The following ULBP2 variants were observed in gnomAD, a reference collection of about 807,000 sequenced individuals.
ULBP2 encodes the protein UL16-binding protein 2.
A neutral mutation model predicts 23.6 loss-of-function variants in ULBP2; 21 were observed. That is an observed-to-expected ratio of 0.89 (90% CI 0.63 to 1.28). The LOEUF is 1.28. Ranked by LOEUF, ULBP2 falls within the 50% of genes most tolerant of loss-of-function variation. The pLI, the probability that ULBP2 is intolerant of heterozygous loss-of-function variation, is 0.00. For synonymous variants in ULBP2, 82 were observed against 112.8 expected (o/e 0.73, Z 1.73); for missense variants, 251 against 306.0 (o/e 0.82, Z 1.34).
chr6:149,942,157 G>A lies in ULBP2; in HGVS notation c.85G>A (p.Asp29Asn), dbSNP rs1156920829. Residue 29 changes from aspartate (D) to asparagine (N), a missense_variant and splice_region_variant, in exon 1 of 5, where the codon GAC (aspartate) becomes AAC (asparagine). This residue lies in a region of ULBP2 where 248 missense variants were observed against 258.9 expected (regional missense o/e 0.96). Coordinates refer to ENST00000367351, the MANE Select transcript of ULBP2 (RefSeq NM_025217.4). ...CGGCTGGTCCCGGGCTGGGCGAGCC[G>A]GTGAGTTCGTGGATGGAGCCTAAGC... is the stretch of plus-strand genomic sequence containing the variant. The part of the protein sequence containing the change: ...LSGWSRAGRA[D>N]PHSLCYDITV... 3 of 1,612,768 alleles carry A rather than the reference G, an allele frequency of 1.9e-6. No individual in the cohort carries two copies. The highest frequency in any genetic ancestry group is 1.7e-5 in the Admixed American group (1 of 59,932).
chr6:149,942,649 A>C lies in ULBP2; in HGVS notation c.85+492A>C, dbSNP rs1206903674. ...TGCGTGCCCTTGAATTTTTCCCTGCACTTTCCTGTAGACACTCACCTGCAC... is the reference window on the plus strand; with the variant it reads ...TGCGTGCCCTTGAATTTTTCCCTGCCCTTTCCTGTAGACACTCACCTGCAC... On this transcript the variant is annotated intron_variant, in intron 1 of 4. Transcript: ENST00000367351. 4.0e-5 allele frequency among the ~76,000 whole-genome samples: 6 copies of C among 149,988 alleles called. No homozygotes were observed. The South Asian group carries it at 6.6e-4, about 17-fold the overall frequency.
At chr6:149,943,924 C>G (rs1234055075) in intron 1 of ULBP2, among the ~76,000 whole-genome samples, 1 of 151,960 alleles carries the variant, frequency 6.6e-6, no homozygotes, top group Non-Finnish European at 1.5e-5. Context: ...CCTCGCTCAT[C>G]ATGCATGGAT....
intron 2 of ULBP2, among the ~76,000 whole-genome samples, chr6:149,946,076 A>T (rs1212990922): frequency 6.6e-6 from 1 of 151,966 alleles, no homozygotes; most frequent in Non-Finnish European, 1.5e-5. Flanking sequence ...CCCTGTCTGT[A>T]CTAAAAATAC....
In ULBP2 at chr6:149,942,162, G is replaced by C; in HGVS notation, c.85+5G>C. On this transcript the variant is annotated splice_donor_5th_base_variant and intron_variant, in intron 1 of 4. Coordinates refer to ENST00000367351, the MANE Select transcript of ULBP2 (RefSeq NM_025217.4). ...GGTCCCGGGCTGGGCGAGCCGGTGAGTTCGTGGATGGAGCCTAAGCCGGGC... is the reference window on the plus strand; with the variant it reads ...GGTCCCGGGCTGGGCGAGCCGGTGACTTCGTGGATGGAGCCTAAGCCGGGC... The C allele has an allele frequency of 6.2e-7, 1 of 1,613,028 alleles. No individual in the cohort carries two copies. Among genetic ancestry groups the C allele is most frequent in the African/African-American group, 1.3e-5 (1 of 75,026 alleles).
At chr6:149,947,766 G>A (rs1412174012) in intron 4 of ULBP2, among the ~76,000 whole-genome samples, 4 of 151,784 alleles carry the variant, frequency 2.6e-5, no homozygotes, top group African/African-American at 9.7e-5. Flanking sequence ...TCCTATTCAG[G>A]AAGGGTGTGT....
chr6:149,946,828 C>G, intron 3 of ULBP2, 175 bp downstream of exon 3: 1 of 1,096,402 alleles, frequency 9.1e-7, no homozygotes, highest in East Asian at 2.5e-5. Context: ...CCACCGTCCT[C>G]TTCCTTCTCC....
intron 4 of ULBP2, among the ~76,000 whole-genome samples, chr6:149,948,381 C>A (rs1384965919): frequency 6.6e-6 from 1 of 152,194 alleles, no homozygotes; most frequent in African/African-American, 2.4e-5. Context: ...ATATGGAGCC[C>A]TCTTTTTGGA....
intron 2 of ULBP2, 149 bp downstream of exon 2, chr6:149,945,721 T>A: frequency 6.7e-7 from 1 of 1,494,004 alleles, no homozygotes. Flanking sequence ...GGTGGGCCGA[T>A]CACAAGGTCA....
At chr6:149,944,308 C>G (rs796167103) in intron 1 of ULBP2, among the ~76,000 whole-genome samples, 1 of 151,726 alleles carries the variant, frequency 6.6e-6, no homozygotes, top group Middle Eastern at 3.4e-3. Flanking sequence ...TCTTTTGGAC[C>G]TTGGACCCCT....
chr6:149,942,826 G>A (rs542914116), intron 1 of ULBP2, among the ~76,000 whole-genome samples: 31 of 151,898 alleles, frequency 2.0e-4, no homozygotes, highest in South Asian at 1.9e-3. Context: ...ACACCACGTC[G>A]CACCTTCTGC....
At chr6:149,947,283 C>G in intron 3 of ULBP2, 37 bp from the exon 4 acceptor site, 1 of 1,240,468 alleles carries the variant, frequency 8.1e-7, no homozygotes, top group South Asian at 1.5e-5. Flanking sequence ...GATTTGGGGC[C>G]TGGACAAGGG....
intron 2 of ULBP2, 79 bp from the exon 3 acceptor site, chr6:149,946,293 G>C: frequency 6.6e-7 from 1 of 1,521,210 alleles, no homozygotes; most frequent in Non-Finnish European, 9.0e-7. Context: ...AGAGAGTAAG[G>C]CCAGCAAATT....
At chr6:149,943,573 T>A (rs913784573) in intron 1 of ULBP2, among the ~76,000 whole-genome samples, 2 of 152,178 alleles carry the variant, frequency 1.3e-5, no homozygotes, top group Admixed American at 6.5e-5. Flanking sequence ...GTCTTCTCAC[T>A]GCTGGGCCTA....
At chr6:149,946,159 C>T (rs1360920088) in intron 2 of ULBP2, among the ~76,000 whole-genome samples, 4 of 149,532 alleles carry the variant, frequency 2.7e-5, no homozygotes, top group Non-Finnish European at 5.9e-5. Context: ...GCCGAGATCG[C>T]GCCACTGCAC....
rs758152309 is a variant in ULBP2, at chr6:149,946,590, T to G, written c.568T>G (p.Cys190Gly). The G allele has an allele frequency of 6.2e-7, 1 of 1,614,146 alleles. No homozygotes were observed. Among genetic ancestry groups the G allele is most frequent in the Non-Finnish European group, 8.5e-7 (1 of 1,180,038 alleles). Residue 190 changes from cysteine (C) to glycine (G), a missense_variant, in exon 3 of 5, where the codon TGT (cysteine) becomes GGT (glycine). This residue lies in a region of ULBP2 where 248 missense variants were observed against 258.9 expected (regional missense o/e 0.96). Transcript: ENST00000367351. ...CTTCCATTACTTCTCAATGGGAGAC[T>G]GTATAGGATGGCTTGAGGACTTCTT... ...MSFHYFSMGD[C>G]IGWLEDFLMG...
intron 1 of ULBP2, among the ~76,000 whole-genome samples, chr6:149,942,899 G>A (rs1299052288): frequency 6.6e-6 from 1 of 152,132 alleles, no homozygotes; most frequent in Non-Finnish European, 1.5e-5. Flanking sequence ...CTGTGCAGGG[G>A]GGATGGGAAG....
At chr6:149,943,415 C>T (rs1778892805) in intron 1 of ULBP2, among the ~76,000 whole-genome samples, 1 of 152,032 alleles carries the variant, frequency 6.6e-6, no homozygotes, top group Non-Finnish European at 1.5e-5. Flanking sequence ...TCCACGGGGA[C>T]CATCAGGTAC....
rs1381953839 is a variant in ULBP2, at chr6:149,948,734, T to C, written c.*34T>C. The C allele has an allele frequency of 4.4e-6, 2 of 456,736 alleles. No individual in the cohort carries two copies. Among genetic ancestry groups the C allele is most frequent in the Admixed American group, 2.3e-5 (1 of 42,578 alleles). The allele number at this position is 456,736 out of a possible 1,614,324, so 28.3% of individuals were successfully genotyped here. On this transcript the variant is annotated 3_prime_UTR_variant, in exon 5 of 5. Transcript: ENST00000367351. ...TGTCCTTTCTGAAGGTTAAAGCTGATACCAAAAGGCTCCTGTGAGCACGGT... is the reference window on the plus strand; with the variant it reads ...TGTCCTTTCTGAAGGTTAAAGCTGACACCAAAAGGCTCCTGTGAGCACGGT...
At chr6:149,948,031 G>A (rs1778969703) in intron 4 of ULBP2, among the ~76,000 whole-genome samples, 2 of 152,218 alleles carry the variant, frequency 1.3e-5, no homozygotes, top group African/African-American at 4.8e-5. Context: ...GAAGAGTAGA[G>A]GCTGCTCAAG....
Sources: allele counts gnomAD v4.1 joint callset (sites outside exome capture counted in the v4.1 genomes callset), GRCh38; gene constraint gnomAD v4.1.1; regional missense constraint gnomAD v4.1.1; transcripts MANE v1.5; gene names NCBI Gene and HGNC (gene_info 2026-07-23, HGNC 2026-07-21).